The following PHC2 variants were observed in gnomAD, a reference collection of about 807,000 sequenced individuals.
PHC2 encodes the protein polyhomeotic-like protein 2.
Under a neutral mutation model 87.4 loss-of-function variants are expected in PHC2, and 29 were observed. The ratio of observed to expected loss-of-function variants is 0.33; its 90% CI spans 0.25 to 0.45. PHC2 has a LOEUF of 0.45. PHC2 is among the 20% of genes least tolerant of loss of function. The pLI, the probability that PHC2 is intolerant of heterozygous loss-of-function variation, is 1.00. For missense variants in PHC2, 857 were observed against 1,136.7 expected, an observed-to-expected ratio of 0.75 and a Z score of 3.54; for synonymous variants, 438 against 461.7, an observed-to-expected ratio of 0.95 and a Z score of 0.66.
chr1:33,354,867 T>C lies in PHC2; in HGVS notation c.1363A>G (p.Ile455Val). The change falls in exon 8 of 15, where the codon ATC becomes GTC. Residue 455 changes from isoleucine (I) to valine (V), a missense_variant. This residue lies in a region of PHC2 where 832 missense variants were observed against 1,081.8 expected (regional missense o/e 0.77). Coordinates refer to ENST00000683057, the MANE Select transcript of PHC2 (RefSeq NM_001385109.1). Reference sequence around the variant, plus strand: ...GGTGAAGCAGGCTGCAGTTGTAAGATGACAGCTGAAGTGTGCTGGAACCTG... The same window carrying C: ...GGTGAAGCAGGCTGCAGTTGTAAGACGACAGCTGAAGTGTGCTGGAACCTG... ...QRRFQHTSAV[I>V]LQLQPASPVP... 6.2e-7 allele frequency: 1 copy of C among 1,614,102 alleles called. No individual in the cohort carries two copies. The highest frequency in any genetic ancestry group is 1.1e-5 in the South Asian group (1 of 91,086).
At chr1:33,350,477 C>G (rs913555992) in intron 9 of PHC2, 3 of 152,308 alleles carry the variant, frequency 2.0e-5, no homozygotes, top group African/African-American at 7.2e-5. Context: ...CCCAAGCGCA[C>G]CGGGTGAACC....
intron 1 of PHC2, among the ~76,000 whole-genome samples, chr1:33,378,409 ATCT>A (rs1322170860): frequency 6.6e-6 from 1 of 152,188 alleles, no homozygotes; most frequent in African/African-American, 2.4e-5. Context: ...GAATCCCAAC[ATCT>A]TCTCTTAGTT....
At position 33,364,381 on chromosome 1, in the gene PHC2, CACTT is replaced by C. The variant is rs1447145144; in HGVS notation, c.976+2731_976+2734del. Among the ~76,000 whole-genome samples, 2 of 135,116 alleles carry C rather than the reference CACTT, an allele frequency of 1.5e-5. No homozygotes were observed. The highest frequency in any genetic ancestry group is 3.1e-5 in the Non-Finnish European group (2 of 64,962). The allele number at this position is 135,116 out of a possible 152,430, so 88.6% of individuals were successfully genotyped here. A position where few individuals can be genotyped will look rare whatever the true frequency, so the allele number is the denominator to read the frequency against. ...CCAGACACACACACACACACACACA[CACTT>C]GCTTTCACACACACACACACACACA... On this transcript the variant is annotated intron_variant, in intron 7 of 14. Transcript: ENST00000683057. The surrounding 1 kb of genome is among the most constrained non-coding windows in gnomAD (Gnocchi z 4.1).
At chr1:33,329,779 G>A (rs1646449761) in intron 13 of PHC2, among the ~76,000 whole-genome samples, 1 of 152,206 alleles carries the variant, frequency 6.6e-6, no homozygotes, top group African/African-American at 2.4e-5. Flanking sequence ...GAGCAGCCCA[G>A]GGGAGACCCC....
At chr1:33,366,783 A>G (rs1647476003) in intron 7 of PHC2, among the ~76,000 whole-genome samples, 1 of 152,226 alleles carries the variant, frequency 6.6e-6, no homozygotes, top group Admixed American at 6.5e-5. Context: ...TGAGTCTTGG[A>G]GAATTTCAAA....
At chr1:33,345,509 CA>C (rs1370108468) in intron 9 of PHC2, 2 of 975,494 alleles carry the variant, frequency 2.1e-6, no homozygotes, top group Non-Finnish European at 2.4e-6. Flanking sequence ...GAGAAGGAAA[CA>C]AAAAAAACCT....
rs1490796016 is a variant in PHC2 at position 33,331,657 on chromosome 1, C to A, written c.1892-195G>T. On this transcript the variant is annotated intron_variant, in intron 11 of 14. Coordinates refer to ENST00000683057, the MANE Select transcript of PHC2 (RefSeq NM_001385109.1). This position sits in a 1 kb window ranked among gnomAD's most constrained non-coding sequence, Gnocchi z 5.2. Reference sequence around the variant, plus strand: ...ATGCACTCAAGGGTGTCTGGGGATGCCCCTTGTAGACTTGACATTTTTTTC... The same window carrying A: ...ATGCACTCAAGGGTGTCTGGGGATGACCCTTGTAGACTTGACATTTTTTTC... The A allele has an allele frequency of 2.1e-6, 1 of 481,190 alleles. No homozygotes were observed. Among genetic ancestry groups the A allele is most frequent in the East Asian group, 3.2e-5 (1 of 30,962 alleles). 29.8% of individuals were successfully genotyped at this position (481,190 alleles called of 1,614,324 possible). A position where few individuals can be genotyped will look rare whatever the true frequency, so the allele number is the denominator to read the frequency against.
intron 1 of PHC2, among the ~76,000 whole-genome samples, chr1:33,404,964 C>A (rs1649693274): frequency 6.6e-6 from 1 of 152,016 alleles, no homozygotes; most frequent in South Asian, 2.1e-4. Flanking sequence ...AATGGCTGCA[C>A]AGTAGATGAG....
chr1:33,375,737 G>A (rs1648142727), intron 1 of PHC2, 144 bp from the exon 2 acceptor site: 1 of 520,576 alleles, frequency 1.9e-6, no homozygotes, highest in Non-Finnish European at 3.3e-6. Flanking sequence ...TACGGTGTCT[G>A]TACTGAACAC....
rs80122650 is a variant in PHC2 at position 33,348,743 on chromosome 1, A to G, written c.1558+5658T>C. Among the ~76,000 whole-genome samples the G allele has an allele frequency of 1.7e-3, 263 of 152,304 alleles. 3 individuals carry two copies. In the East Asian group the frequency reaches 0.04, roughly 23 times the overall value. On this transcript the variant is annotated intron_variant, in intron 9 of 14. Coordinates refer to ENST00000683057, the MANE Select transcript of PHC2 (RefSeq NM_001385109.1). ...ATTTGTAAGGGAAGAAAAAGATGAA[A>G]AGAGTGTGTTCCGTACACAGCACAT...
Position 33,367,294 on chromosome 1 carries a change from T to G in PHC2, c.798A>C (p.Ala266=). 1.2e-6 allele frequency: 2 copies of G among 1,614,112 alleles called. No individual in the cohort carries two copies. The highest frequency in any genetic ancestry group is 1.7e-6 in the Non-Finnish European group (2 of 1,179,984). Residue 266 remains alanine, a synonymous_variant, in exon 7 of 15, where the codon GCA becomes GCC. Coordinates refer to ENST00000683057, the MANE Select transcript of PHC2 (RefSeq NM_001385109.1). ...PGGSQPLPTP[A]QSRNTAQASP... ...AAGCCTGAGCAGTATTTCTGCTCTG[T>G]GCTGGGGTAGGCAGAGGCTGGCTAC...
chr1:33,389,602 G>C (rs1321866727), intron 1 of PHC2, among the ~76,000 whole-genome samples: 2 of 152,096 alleles, frequency 1.3e-5, no homozygotes, highest in African/African-American at 2.4e-5. Context: ...AGCAATTCCA[G>C]AGTCCCCTGG....
At position 33,375,455 on chromosome 1, in the gene PHC2, A is replaced by G; in HGVS notation, c.85T>C (p.Cys29Arg). ...CTTCCACCACTGCTGCTGTTGTTGC[A>G]GCCACTGCTGCTACTGGCCCCGCTG... The part of the protein sequence containing the change: ...STSGASSSSG[C>R]NNSSSGGSGR... The change falls in exon 2 of 15, where the codon TGC becomes CGC. Residue 29 changes from cysteine to arginine, a missense_variant. Physicochemically the swap from Cys to Arg is radical, Grantham distance 180 (BLOSUM62 -3). Coordinates refer to ENST00000683057, the MANE Select transcript of PHC2 (RefSeq NM_001385109.1). 2 of 1,612,732 alleles carry G rather than the reference A, an allele frequency of 1.2e-6. No homozygotes were observed. Among genetic ancestry groups the G allele is most frequent in the Non-Finnish European group, 1.7e-6 (2 of 1,179,434 alleles).
intron 1 of PHC2, among the ~76,000 whole-genome samples, chr1:33,413,869 T>C (rs1650085651): frequency 2.6e-5 from 4 of 152,216 alleles, no homozygotes; most frequent in Admixed American, 6.5e-5. Context: ...GAATGCCTCC[T>C]GTGGCCCAGA....
Position 33,376,801 on chromosome 1 carries a change from C to T in PHC2, c.-54-1208G>A, listed in dbSNP as rs191154969. On this transcript the variant is annotated intron_variant, in intron 1 of 14. Transcript: ENST00000683057. ...AAAATTAGTTGGGCATGGTGGTGTG[C>T]GCCTGTGGTCCCAGCTACCTGGGAG... is the stretch of plus-strand genomic sequence containing the variant. Among the ~76,000 whole-genome samples the T allele has an allele frequency of 2.7e-3, 417 of 152,216 alleles. 3 individuals are homozygous for T. The highest frequency in any genetic ancestry group is 0.023 in the Admixed American group (355 of 15,292).
intron 7 of PHC2, chr1:33,363,756 C>G (rs1647274103): frequency 2.0e-6 from 2 of 985,364 alleles, no homozygotes; most frequent in Non-Finnish European, 2.4e-6. Context: ...AGTGTGCACC[C>G]AAAGCCTGGA....
intron 9 of PHC2, among the ~76,000 whole-genome samples, chr1:33,339,971 C>T (rs1175479727): frequency 6.6e-6 from 1 of 152,200 alleles, no homozygotes; most frequent in African/African-American, 2.4e-5. Flanking sequence ...TCTGTACTAA[C>T]ATCTGCAACA....
Position 33,369,562 on chromosome 1 carries a change from T to C in PHC2, c.576+859A>G, listed in dbSNP as rs765592361. ...AGAGGCTGTTCCCTGGGGATAGAGA[T>C]GCGCCTCAAATGATGAACTCAGAGC... On this transcript the variant is annotated intron_variant, in intron 5 of 14. Transcript: ENST00000683057. This position sits in a 1 kb window ranked among gnomAD's most constrained non-coding sequence, Gnocchi z 4.7. 6.6e-6 allele frequency among the ~76,000 whole-genome samples: 1 copy of C among 152,126 alleles called. No homozygotes were observed. Among genetic ancestry groups the C allele is most frequent in the Admixed American group, 6.5e-5 (1 of 15,276 alleles).
Position 33,375,570 on chromosome 1 carries a change from G to C in PHC2, c.-31C>G. 6.9e-7 allele frequency: 1 copy of C among 1,455,992 alleles called. No homozygotes were observed. The highest frequency in any genetic ancestry group is 2.6e-5 in the East Asian group (1 of 37,874). 90.2% of individuals were successfully genotyped at this position (1,455,992 alleles called of 1,614,324 possible). Reference sequence around the variant, plus strand: ...GCAGTGTGGCGCAGTCAGGGCGCTCGGATGGCAGAAGGGCAGGCAGATGCT... The same window carrying C: ...GCAGTGTGGCGCAGTCAGGGCGCTCCGATGGCAGAAGGGCAGGCAGATGCT... On this transcript the variant is annotated 5_prime_UTR_variant, in exon 2 of 15. Transcript: ENST00000683057.
Sources: allele counts gnomAD v4.1 joint callset (sites outside exome capture counted in the v4.1 genomes callset), GRCh38; gene constraint gnomAD v4.1.1; regional missense constraint gnomAD v4.1.1; non-coding constraint Gnocchi (gnomAD v3.1); transcripts MANE v1.5; gene names NCBI Gene and HGNC (gene_info 2026-07-23, HGNC 2026-07-21).